MOB3B: variants seen among roughly 807,000 people sequenced by gnomAD.
MOB3B encodes MOB kinase activator 3B, also known as MOB kinase activator-like 2B.
A neutral mutation model predicts 18.7 loss-of-function variants in MOB3B; 7 were observed. The ratio of observed to expected loss-of-function variants is 0.37; its 90% CI spans 0.21 to 0.70. MOB3B has a LOEUF of 0.70. MOB3B is among the 30% of genes least tolerant of loss of function. The pLI is 0.52. For missense variants in MOB3B, 253 were observed against 281.3 expected (o/e 0.90, Z 0.72); for synonymous variants, 111 against 99.9 (o/e 1.11, Z -0.66).
At chr9:27,350,012 GT>G (rs1821082458) in intron 3 of MOB3B, among the ~76,000 whole-genome samples, 1 of 152,290 alleles carries the variant, frequency 6.6e-6, no homozygotes, top group Admixed American at 6.5e-5. Flanking sequence ...TGATGAAAAT[GT>G]TCAGTATCTG....
intron 3 of MOB3B, 56 bp downstream of exon 3, chr9:27,358,978 C>CCG: frequency 6.4e-7 from 1 of 1,563,764 alleles, no homozygotes; most frequent in East Asian, 2.2e-5. Flanking sequence ...TGCGCTCTGA[C>CCG]AAATGGCCGA....
At chr9:27,412,424 C>T (rs1256167555) in intron 2 of MOB3B, among the ~76,000 whole-genome samples, 1 of 152,196 alleles carries the variant, frequency 6.6e-6, no homozygotes, top group Non-Finnish European at 1.5e-5. Flanking sequence ...ATTGTTGTCA[C>T]TCAACCCATT....
At position 27,521,333 on chromosome 9, in the gene MOB3B, C is replaced by T. The variant is rs114833104; in HGVS notation, c.-199+8222G>A. Among the ~76,000 whole-genome samples the T allele has an allele frequency of 4.9e-3, 741 of 152,272 alleles. 5 individuals are homozygous for T. The highest frequency in any genetic ancestry group is 0.017 in the African/African-American group (707 of 41,540). ...ACAAAACTGTGCATGGCTGAAAATA[C>T]AGGCAACTTCAAGACGAATGACAAT... is the stretch of plus-strand genomic sequence containing the variant. On this transcript the variant is annotated intron_variant, in intron 1 of 3. Coordinates refer to ENST00000262244, the MANE Select transcript of MOB3B (RefSeq NM_024761.5).
chr9:27,336,162 A>AT (rs1375945719), intron 3 of MOB3B, among the ~76,000 whole-genome samples: 1 of 152,230 alleles, frequency 6.6e-6, no homozygotes, highest in Non-Finnish European at 1.5e-5. Context: ...GGAGGCCCAG[A>AT]AATTTGAACT....
chr9:27,479,611 GT>G (rs1819615942), intron 1 of MOB3B, among the ~76,000 whole-genome samples: 2 of 152,168 alleles, frequency 1.3e-5, no homozygotes, highest in East Asian at 3.9e-4. Context: ...AAACATGTTA[GT>G]ATATTTATAA....
intron 2 of MOB3B, among the ~76,000 whole-genome samples, chr9:27,416,544 A>ATTTTTTTTTTTTT (rs559806304): frequency 4.9e-5 from 6 of 121,416 alleles, no homozygotes; most frequent in African/African-American, 1.2e-4. Flanking sequence ...TTTCTTTTTA[A>ATTTTTTTTTTTTT]TTTTTTTTTT....
intron 2 of MOB3B, among the ~76,000 whole-genome samples, chr9:27,445,742 C>G (rs1306055867): frequency 6.6e-6 from 1 of 152,124 alleles, no homozygotes; most frequent in Non-Finnish European, 1.5e-5. Flanking sequence ...ACAAGTAATT[C>G]TCAGTGGTCC....
intron 2 of MOB3B, among the ~76,000 whole-genome samples, chr9:27,444,286 G>GGAAGGAAGGAAGAAAGGAAGGAA (rs1822655465): frequency 2.0e-5 from 2 of 100,392 alleles, no homozygotes; most frequent in Non-Finnish European, 2.0e-5. Flanking sequence ...GAGGGAGGGA[G>GGAAGGAAGGAAGAAAGGAAGGAA]GGAAGGAAGG....
At chr9:27,521,690 G>A (rs940402502) in intron 1 of MOB3B, among the ~76,000 whole-genome samples, 4 of 142,006 alleles carry the variant, frequency 2.8e-5, no homozygotes, top group African/African-American at 1.1e-4. Context: ...TTTATAGAAT[G>A]TGTGTGTGTG....
chr9:27,385,017 G>T (rs1821630739), intron 2 of MOB3B, among the ~76,000 whole-genome samples: 1 of 152,168 alleles, frequency 6.6e-6, no homozygotes, highest in Non-Finnish European at 1.5e-5. Context: ...GACAACTAAG[G>T]GATGGAGATA....
At chr9:27,426,684 C>T (rs1212570634) in intron 2 of MOB3B, among the ~76,000 whole-genome samples, 13 of 152,180 alleles carry the variant, frequency 8.5e-5, no homozygotes, top group Admixed American at 7.9e-4. Flanking sequence ...GACACTGTCC[C>T]CCCCTGCCCG....
At chr9:27,419,437 G>C (rs571421052) in intron 2 of MOB3B, among the ~76,000 whole-genome samples, 16 of 152,272 alleles carry the variant, frequency 1.1e-4, no homozygotes, top group African/African-American at 3.9e-4. Context: ...AAAACAGTGT[G>C]GTACTGGTAT....
intron 1 of MOB3B, among the ~76,000 whole-genome samples, chr9:27,527,882 G>T (rs1220721830): frequency 6.6e-6 from 1 of 152,190 alleles, no homozygotes; most frequent in African/African-American, 2.4e-5. Context: ...CACTAAGAAT[G>T]AACACAATGT....
At chr9:27,479,634 C>A (rs1388628107) in intron 1 of MOB3B, among the ~76,000 whole-genome samples, 1 of 151,850 alleles carries the variant, frequency 6.6e-6, no homozygotes, top group African/African-American at 2.4e-5. Context: ...CACCCCTACT[C>A]AAAAAAAATT....
chr9:27,388,333 G>A (rs1367878202), intron 2 of MOB3B, among the ~76,000 whole-genome samples: 1 of 152,190 alleles, frequency 6.6e-6, no homozygotes, highest in Non-Finnish European at 1.5e-5. Context: ...CAGAGACAGA[G>A]GCTGAGGAGC....
intron 1 of MOB3B, among the ~76,000 whole-genome samples, chr9:27,476,453 T>C (rs377596849): frequency 6.6e-6 from 1 of 152,340 alleles, no homozygotes; most frequent in East Asian, 1.9e-4. Flanking sequence ...CCTGTGTGTA[T>C]GTCTATCTCC....
intron 2 of MOB3B, among the ~76,000 whole-genome samples, chr9:27,420,441 A>G (rs1215530144): frequency 2.0e-5 from 3 of 150,454 alleles, no homozygotes; most frequent in Non-Finnish European, 3.0e-5. Flanking sequence ...TAAAGAAACT[A>G]TGATTATATA....
intron 1 of MOB3B, among the ~76,000 whole-genome samples, chr9:27,528,679 G>A (rs1404590111): frequency 2.0e-5 from 3 of 152,168 alleles, no homozygotes; most frequent in Admixed American, 1.3e-4. Flanking sequence ...AACAATAGGG[G>A]AAACGCGGAG....
intron 1 of MOB3B, among the ~76,000 whole-genome samples, chr9:27,507,797 C>T (rs532328920): frequency 5.7e-4 from 87 of 152,286 alleles, no homozygotes; most frequent in African/African-American, 2.1e-3. Context: ...TGAAGAATGA[C>T]CATTTACAAA....
Sources: gnomAD v4.1 joint callset for allele counts (sites outside exome capture counted in the v4.1 genomes callset) on GRCh38, gnomAD v4.1.1 for gene constraint, MANE v1.5 for transcripts, NCBI Gene and HGNC (gene_info 2026-07-23, HGNC 2026-07-21) for gene names.